PKIG: variants seen among roughly 807,000 people sequenced by gnomAD.
The protein encoded by PKIG is protein kinase (cAMP-dependent, catalytic) inhibitor gamma.
Under a neutral mutation model 6.8 loss-of-function variants are expected in PKIG, and 1 was observed. The observed-to-expected ratio is 0.15, with a 90% CI of 0.05 to 0.69. The LOEUF (loss-of-function observed/expected upper bound fraction) is 0.69. PKIG is among the 30% of genes least tolerant of loss of function. The pLI, the probability that PKIG is intolerant of heterozygous loss-of-function variation, is 0.82. For missense variants in PKIG, 77 were observed against 104.0 expected, an observed-to-expected ratio of 0.74 and a Z score of 1.13; for synonymous variants, 39 against 43.0, an observed-to-expected ratio of 0.91 and a Z score of 0.36.
At chr20:44,610,482 CTCT>C (rs1481624171) in intron 2 of PKIG, among the ~76,000 whole-genome samples, 269 of 129,766 alleles carry the variant, frequency 2.1e-3, no homozygotes, top group Middle Eastern at 7.4e-3. Flanking sequence ...CTCTCTCTCT[CTCT>C]TCTCTCTCTC....
At chr20:44,573,257 T>G (rs753198332) in intron 1 of PKIG, among the ~76,000 whole-genome samples, 2 of 152,226 alleles carry the variant, frequency 1.3e-5, no homozygotes, top group African/African-American at 2.4e-5. Flanking sequence ...TATATTTCCT[T>G]TGGAAAAAAT....
At chr20:44,577,949 G>C (rs990283832), upstream of PKIG, among the ~76,000 whole-genome samples, 1 of 152,242 alleles carries the variant, frequency 6.6e-6, no homozygotes, top group East Asian at 1.9e-4. Context: ...TGGGTTATGC[G>C]TACAGATCTC....
intron 1 of PKIG, among the ~76,000 whole-genome samples, chr20:44,588,307 G>C (rs779721243): frequency 1.1e-4 from 16 of 152,202 alleles, no homozygotes; most frequent in Non-Finnish European, 1.5e-4. Flanking sequence ...GAGTGAAAGA[G>C]GAGAGTGTGG....
intron 1 of PKIG, among the ~76,000 whole-genome samples, chr20:44,587,979 C>T (rs1421660425): frequency 1.3e-5 from 2 of 151,908 alleles, no homozygotes; most frequent in Non-Finnish European, 2.9e-5. Flanking sequence ...TGGGGAATGT[C>T]GAGGTAAATA....
In PKIG at chr20:44,614,112, C is replaced by A. The variant is rs1303824656; in HGVS notation, c.-23-422C>A. Among the ~76,000 whole-genome samples, 1 of 152,164 alleles carries A rather than the reference C, an allele frequency of 6.6e-6. No individual in the cohort carries two copies. Among genetic ancestry groups the A allele is most frequent in the Non-Finnish European group, 1.5e-5 (1 of 68,026 alleles). ...CAGGTCCCAGTGATCACTCCAGCAC[C>A]CTGCATTCTCCCTTGAAGCCTTGAG... On this transcript the variant is annotated intron_variant, in intron 2 of 3. Transcript: ENST00000372886. This position sits in a 1 kb window ranked among gnomAD's most constrained non-coding sequence, Gnocchi z 4.6.
chr20:44,580,899 T>C (rs762746006), upstream of PKIG, among the ~76,000 whole-genome samples: 3 of 152,190 alleles, frequency 2.0e-5, no homozygotes, highest in Non-Finnish European at 4.4e-5. Flanking sequence ...CAAAGTGGCA[T>C]TGAAACAGAT....
At chr20:44,548,313 T>C (rs1414547106) in intron 1 of PKIG, among the ~76,000 whole-genome samples, 1 of 152,190 alleles carries the variant, frequency 6.6e-6, no homozygotes, top group East Asian at 1.9e-4. Flanking sequence ...GGAGGGACCA[T>C]GTTTCTGGAG....
intron 2 of PKIG, among the ~76,000 whole-genome samples, chr20:44,597,471 A>G (rs2065084716): frequency 6.6e-6 from 1 of 152,170 alleles, no homozygotes. Flanking sequence ...GTATACACTG[A>G]GGGATCAGTG....
intron 1 of PKIG, among the ~76,000 whole-genome samples, chr20:44,563,291 A>G (rs985886794): frequency 1.3e-5 from 2 of 152,132 alleles, no homozygotes; most frequent in Non-Finnish European, 2.9e-5. Flanking sequence ...ATTCCCAACT[A>G]TATATTAGCA....
chr20:44,607,319 G>GTA (rs2065172105), intron 2 of PKIG, among the ~76,000 whole-genome samples: 1 of 150,076 alleles, frequency 6.7e-6, no homozygotes, highest in African/African-American at 2.5e-5. Context: ...TCCAAGGTGT[G>GTA]TGTGTGTGTG....
intron 1 of PKIG, among the ~76,000 whole-genome samples, chr20:44,548,445 C>T (rs760375325): frequency 5.9e-5 from 9 of 152,002 alleles, no homozygotes; most frequent in Non-Finnish European, 8.8e-5. Flanking sequence ...GCTTTGTTTC[C>T]GTTTGCAAAA....
chr20:44,557,980 A>G (rs1410662338), intron 1 of PKIG, among the ~76,000 whole-genome samples: 1 of 152,192 alleles, frequency 6.6e-6, no homozygotes, highest in Admixed American at 6.5e-5. Context: ...CTATTTCTCC[A>G]AAGTTGACTA....
intron 1 of PKIG, among the ~76,000 whole-genome samples, chr20:44,570,816 G>T (rs2064847717): frequency 6.6e-6 from 1 of 152,198 alleles, no homozygotes; most frequent in African/African-American, 2.4e-5. Flanking sequence ...TAGATGGGTG[G>T]TTATTTTAGG....
chr20:44,569,820 G>A (rs530305639), intron 1 of PKIG, among the ~76,000 whole-genome samples: 1 of 151,840 alleles, frequency 6.6e-6, no homozygotes, highest in Non-Finnish European at 1.5e-5. Flanking sequence ...TTGGTGTATT[G>A]TATATCCTTT....
intron 2 of PKIG, among the ~76,000 whole-genome samples, chr20:44,606,269 TAGG>T (rs2065162848): frequency 6.6e-6 from 1 of 152,188 alleles, no homozygotes; most frequent in African/African-American, 2.4e-5. Context: ...GGTTCACTCC[TAGG>T]AGCAGTAGGA....
chr20:44,600,494 G>A (rs572094324), intron 2 of PKIG, among the ~76,000 whole-genome samples: 1 of 152,204 alleles, frequency 6.6e-6, no homozygotes, highest in South Asian at 2.1e-4. Context: ...TCCGGAGCCT[G>A]GGTGGTGCAT....
chr20:44,560,862 T>G (rs565861314), intron 1 of PKIG, among the ~76,000 whole-genome samples: 143 of 152,308 alleles, frequency 9.4e-4, no homozygotes, highest in Non-Finnish European at 1.8e-3. Flanking sequence ...TCTAAATAAT[T>G]TTTTATGTAA....
In PKIG at chr20:44,618,638, G is replaced by A. The variant is rs747571582; in HGVS notation, c.*274G>A. ...AGATGTTATTTATTGAGCTGGCGCC[G>A]GGACTTGGGCGGGGCCTGCCCTACA... On this transcript the variant is annotated 3_prime_UTR_variant, in exon 4 of 4. Coordinates refer to ENST00000372886, the MANE Select transcript of PKIG (RefSeq NM_001281445.2). The A allele has an allele frequency of 4.2e-5, 16 of 377,954 alleles. No individual in the cohort carries two copies. Among genetic ancestry groups the A allele is most frequent in the Middle Eastern group, 8.5e-4 (1 of 1,174 alleles). 23.4% of individuals were successfully genotyped at this position (377,954 alleles called of 1,614,324 possible). A position where few individuals can be genotyped will look rare whatever the true frequency, so the allele number is the denominator to read the frequency against.
intron 1 of PKIG, among the ~76,000 whole-genome samples, chr20:44,587,182 G>C (rs1238629090): frequency 1.3e-5 from 2 of 152,220 alleles, no homozygotes; most frequent in Non-Finnish European, 2.9e-5. Context: ...AACAAGGGAA[G>C]ATAGACAGAG....
Sources: gnomAD v4.1 joint callset for allele counts (sites outside exome capture counted in the v4.1 genomes callset) on GRCh38, gnomAD v4.1.1 for gene constraint, Gnocchi (gnomAD v3.1) non-coding constraint, MANE v1.5 for transcripts, NCBI Gene and HGNC (gene_info 2026-07-23, HGNC 2026-07-21) for gene names.